The following MARCHF7 variants were observed in gnomAD, a reference collection of about 807,000 sequenced individuals.
The protein encoded by MARCHF7 is membrane associated ring-CH-type finger 7.
Under a neutral mutation model 76.5 loss-of-function variants are expected in MARCHF7, and 20 were observed. The observed-to-expected ratio is 0.26, with a 90% CI of 0.18 to 0.38. The LOEUF (loss-of-function observed/expected upper bound fraction) is 0.38, where lower values mean the gene tolerates loss of function less well. Ranked by LOEUF, MARCHF7 falls within the 10% of genes least tolerant of loss-of-function variation. The pLI, the probability that MARCHF7 is intolerant of heterozygous loss-of-function variation, is 1.00. For synonymous variants in MARCHF7, 295 were observed against 293.0 expected, an observed-to-expected ratio of 1.01 and a Z score of -0.07; for missense variants, 797 against 812.9, an observed-to-expected ratio of 0.98 and a Z score of 0.24.
chr2:159,738,833 G>A (rs760455328), intron 4 of MARCHF7, among the ~76,000 whole-genome samples: 3 of 152,156 alleles, frequency 2.0e-5, no homozygotes, highest in Non-Finnish European at 2.9e-5. Context: ...GTTTCACTAG[G>A]GACCTGCCCC....
chr2:159,744,496 A>G (rs16822558), intron 5 of MARCHF7, among the ~76,000 whole-genome samples: 52,396 of 151,968 alleles, frequency 0.34, 9,227 homozygotes, highest in South Asian at 0.44. Context: ...TCTCACTCAT[A>G]CTCCTCTTCC....
At chr2:159,758,321 T>TA (rs1300312058) in intron 8 of MARCHF7, among the ~76,000 whole-genome samples, 12 of 152,146 alleles carry the variant, frequency 7.9e-5, no homozygotes, top group African/African-American at 1.2e-4. Context: ...TTTTTCTTTT[T>TA]AAAAAAAGGT....
At chr2:159,743,001 G>A (rs1704328891) in intron 4 of MARCHF7, 60 bp from the exon 5 acceptor site, 1 of 1,409,058 alleles carries the variant, frequency 7.1e-7, no homozygotes, top group Non-Finnish European at 9.7e-7. Context: ...GAGGACTGTG[G>A]GTTAAATTTA....
chr2:159,744,641 T>A (rs1207221825), intron 5 of MARCHF7, among the ~76,000 whole-genome samples: 2 of 152,238 alleles, frequency 1.3e-5, no homozygotes, highest in Admixed American at 6.5e-5. Context: ...TTTGATAAGC[T>A]GGAATGCCAT....
chr2:159,718,410 C>A (rs1405132849), intron 3 of MARCHF7, among the ~76,000 whole-genome samples: 1 of 152,038 alleles, frequency 6.6e-6, no homozygotes, highest in African/African-American at 2.4e-5. Flanking sequence ...TGGGAGGTAG[C>A]ATGTGTTAAT....
chr2:159,748,718 A>G lies in MARCHF7; in HGVS notation c.1428A>G (p.Ser476=). ...AAGGTGGAAGAAATACAGGAATATC[A>G]GGGATTCTTCCTGGTTCCTTATTCC... ...SAQGGRNTGI[S]GILPGSLFRF... The change falls in exon 7 of 12, where the codon TCA becomes TCG. Residue 476 remains serine, a synonymous_variant. Coordinates refer to ENST00000409175, the MANE Select transcript of MARCHF7 (RefSeq NM_001282805.2). The G allele has an allele frequency of 1.2e-6, 2 of 1,614,058 alleles. No individual in the cohort carries two copies. Among genetic ancestry groups the G allele is most frequent in the African/African-American group, 1.3e-5 (1 of 75,046 alleles).
intron 11 of MARCHF7, 36 bp downstream of exon 11, chr2:159,764,710 T>A: frequency 1.3e-6 from 2 of 1,561,686 alleles, no homozygotes; most frequent in Non-Finnish European, 1.7e-6. Flanking sequence ...CTTGTTGAAT[T>A]TACTTTTGCA....
At chr2:159,760,706 T>TC (rs1421444567) in intron 9 of MARCHF7, among the ~76,000 whole-genome samples, 3 of 121,914 alleles carry the variant, frequency 2.5e-5, no homozygotes, top group Non-Finnish European at 5.3e-5. Context: ...GGCAGTTTTT[T>TC]CCTTTTTTGT....
Position 159,731,940 on chromosome 2 carries a change from T to C in MARCHF7, c.153+2765T>C, listed in dbSNP as rs911382488. Among the ~76,000 whole-genome samples, 3 of 145,974 alleles carry C rather than the reference T, an allele frequency of 2.1e-5. No individual in the cohort carries two copies. In the Admixed American group the frequency reaches 2.1e-4, roughly 10 times the overall value. On this transcript the variant is annotated intron_variant, in intron 4 of 11. Coordinates refer to ENST00000409175, the MANE Select transcript of MARCHF7 (RefSeq NM_001282805.2). ...TAACACAGTGAAACCCCGTCTCCAC[T>C]AAAATTACAAAAAATTAGCCGGGCG...
At chr2:159,718,542 G>T (rs898666373) in intron 3 of MARCHF7, among the ~76,000 whole-genome samples, 1 of 151,946 alleles carries the variant, frequency 6.6e-6, no homozygotes, top group African/African-American at 2.4e-5. Context: ...AATGGAAGGG[G>T]ATACATAATA....
intron 4 of MARCHF7, among the ~76,000 whole-genome samples, chr2:159,732,146 A>G (rs781141638): frequency 2.0e-5 from 3 of 152,112 alleles, no homozygotes; most frequent in Non-Finnish European, 4.4e-5. Flanking sequence ...TTTAAATGTC[A>G]TGTTAATGAC....
intron 1 of MARCHF7, among the ~76,000 whole-genome samples, chr2:159,714,000 C>T (rs1320289659): frequency 2.6e-5 from 4 of 152,038 alleles, no homozygotes; most frequent in Non-Finnish European, 4.4e-5. Flanking sequence ...TTTCTTTTTT[C>T]TGCCACCTGG....
intron 4 of MARCHF7, among the ~76,000 whole-genome samples, chr2:159,737,132 C>T (rs1355321870): frequency 6.6e-6 from 1 of 152,042 alleles, no homozygotes; most frequent in Non-Finnish European, 1.5e-5. Flanking sequence ...TAGTTTCATA[C>T]GAGTGCTCAT....
rs1033610048 is a variant in MARCHF7, at chr2:159,712,521, C to G, written c.-228C>G. 1 of 152,750 alleles carries G rather than the reference C, an allele frequency of 6.5e-6. No individual in the cohort carries two copies. Among genetic ancestry groups the G allele is most frequent in the Admixed American group, 6.5e-5 (1 of 15,268 alleles). The allele number at this position is 152,750 out of a possible 1,614,324, so 9.5% of individuals were successfully genotyped here. On this transcript the variant is annotated 5_prime_UTR_variant, in exon 1 of 12. In the 5' UTR this introduces an upstream ATG that the reference lacks. Transcript: ENST00000409175. ...GGTGGTGGCTGGTTCTGCGCCGGAT[C>G]CGGGAGAGGGGCGGGCGCCATTGTG...
intron 10 of MARCHF7, 87 bp downstream of exon 10, chr2:159,763,080 TTA>T: frequency 1.5e-6 from 1 of 661,686 alleles, no homozygotes; most frequent in East Asian, 3.0e-5. Flanking sequence ...TGTTGACATC[TTA>T]TTTCCTTTGG....
chr2:159,755,636 G>C (rs929843794), intron 8 of MARCHF7, among the ~76,000 whole-genome samples: 1 of 152,104 alleles, frequency 6.6e-6, no homozygotes, highest in African/African-American at 2.4e-5. Context: ...AAAGGTTGGT[G>C]GTTAGAGGAA....
At chr2:159,758,102 A>G (rs931731489) in intron 8 of MARCHF7, among the ~76,000 whole-genome samples, 5 of 152,160 alleles carry the variant, frequency 3.3e-5, no homozygotes, top group African/African-American at 4.8e-5. Flanking sequence ...GCACCTAACA[A>G]TCACTCAACA....
At position 159,769,349 on chromosome 2, in the gene MARCHF7, A is replaced by T. The variant is rs1044176597; in HGVS notation, c.*2007A>T. On this transcript the variant is annotated 3_prime_UTR_variant, in exon 12 of 12. Transcript: ENST00000409175. ...CTGTTATAGATGTTCTGGTATATAA[A>T]GAAAAAATGTAGGCCAAGTGTGGTG... The T allele has an allele frequency of 2.6e-5, 4 of 152,242 alleles. No individual in the cohort carries two copies. The highest frequency in any genetic ancestry group is 9.7e-5 in the African/African-American group (4 of 41,450). The allele number at this position is 152,242 out of a possible 1,614,324, so 9.4% of individuals were successfully genotyped here.
chr2:159,749,019 C>T (rs765910886), intron 7 of MARCHF7, 116 bp downstream of exon 7: 8 of 1,181,994 alleles, frequency 6.8e-6, no homozygotes, highest in Non-Finnish European at 9.0e-6. Context: ...CAGTCTGTCA[C>T]CCAGGCTGGA....
Sources: gnomAD v4.1 joint callset for allele counts (sites outside exome capture counted in the v4.1 genomes callset) on GRCh38, gnomAD v4.1.1 for gene constraint, MANE v1.5 for transcripts, NCBI Gene and HGNC (gene_info 2026-07-23, HGNC 2026-07-21) for gene names.